The following ADAMTS2 variants were observed in gnomAD, a reference collection of about 807,000 sequenced individuals.
The protein encoded by ADAMTS2 is A disintegrin and metalloproteinase with thrombospondin motifs 2.
ADAMTS2 carries 50 observed loss-of-function variants against 123.0 expected under a neutral mutation model. The ratio of observed to expected loss-of-function variants is 0.41; its 90% confidence interval spans 0.32 to 0.51. ADAMTS2 has a LOEUF of 0.51. Among genes scored for constraint, ADAMTS2 ranks in the 20% least tolerant of loss-of-function variants. The pLI is 0.35. For missense variants in ADAMTS2, 1,494 were observed against 1,705.2 expected (o/e 0.88, Z 2.18); for synonymous variants, 678 against 695.4 (o/e 0.98, Z 0.39).
intron 5 of ADAMTS2, among the ~76,000 whole-genome samples, chr5:179,173,590 A>C (rs952940795): frequency 2.0e-5 from 3 of 152,216 alleles, no homozygotes; most frequent in Admixed American, 2.0e-4. Context: ...TGTTGTTCAC[A>C]TGAGAGATAA....
At chr5:179,141,783 G>A (rs565185324) in intron 10 of ADAMTS2, among the ~76,000 whole-genome samples, 8 of 152,278 alleles carry the variant, frequency 5.3e-5, no homozygotes, top group African/African-American at 1.9e-4. Flanking sequence ...CTCTGTTGCA[G>A]AGTCTCTCTC....
intron 11 of ADAMTS2, among the ~76,000 whole-genome samples, chr5:179,138,904 C>T (rs1294219362): frequency 6.6e-6 from 1 of 152,218 alleles, no homozygotes; most frequent in Non-Finnish European, 1.5e-5. Context: ...GGGACGCACC[C>T]GGAGCCCTGC....
At chr5:179,326,452 G>A (rs1407937765) in intron 2 of ADAMTS2, among the ~76,000 whole-genome samples, 1 of 151,804 alleles carries the variant, frequency 6.6e-6, no homozygotes, top group Non-Finnish European at 1.5e-5. Flanking sequence ...GGGGCAGGGA[G>A]AGCATCCTAC....
chr5:179,321,851 C>A (rs1757190209), intron 2 of ADAMTS2, among the ~76,000 whole-genome samples: 1 of 152,168 alleles, frequency 6.6e-6, no homozygotes, highest in Admixed American at 6.5e-5. Context: ...TCCTCAGCCT[C>A]TCCCTCAGCC....
chr5:179,257,817 A>C (rs989800453), intron 3 of ADAMTS2, among the ~76,000 whole-genome samples: 4 of 152,120 alleles, frequency 2.6e-5, no homozygotes, highest in African/African-American at 4.8e-5. Context: ...CCTGACCCCC[A>C]TCCCGGCCAC....
chr5:179,289,168 C>T (rs990918197), intron 2 of ADAMTS2, among the ~76,000 whole-genome samples: 8 of 152,160 alleles, frequency 5.3e-5, no homozygotes, highest in Non-Finnish European at 1.5e-5. Flanking sequence ...CGGCCTGTCC[C>T]ACCGCCCCGT....
At chr5:179,203,151 C>A (rs557989382) in intron 4 of ADAMTS2, among the ~76,000 whole-genome samples, 2 of 152,216 alleles carry the variant, frequency 1.3e-5, no homozygotes, top group South Asian at 4.1e-4. Context: ...GCCACCACCT[C>A]ACCTCCTCCT....
chr5:179,284,068 C>T (rs1444220530), intron 2 of ADAMTS2, among the ~76,000 whole-genome samples: 3 of 151,372 alleles, frequency 2.0e-5, no homozygotes, highest in Non-Finnish European at 4.4e-5. Context: ...CAGTGGCTCA[C>T]GTCCATAATC....
intron 3 of ADAMTS2, among the ~76,000 whole-genome samples, chr5:179,207,917 C>A (rs1477882289): frequency 6.6e-6 from 1 of 152,168 alleles, no homozygotes; most frequent in Non-Finnish European, 1.5e-5. Context: ...AGGGCCCAGA[C>A]AGGCACCTCT....
At chr5:179,142,083 G>A (rs1763181364) in intron 10 of ADAMTS2, among the ~76,000 whole-genome samples, 1 of 152,150 alleles carries the variant, frequency 6.6e-6, no homozygotes, top group African/African-American at 2.4e-5. Context: ...CTGCCCAGAG[G>A]GAGAGTCAGA....
intron 3 of ADAMTS2, among the ~76,000 whole-genome samples, chr5:179,249,101 C>T (rs1237089468): frequency 6.6e-6 from 1 of 151,936 alleles, no homozygotes; most frequent in African/African-American, 2.4e-5. Context: ...TAAAAATTCA[C>T]AAATATGTAG....
Position 179,308,220 on chromosome 5 carries a change from G to C in ADAMTS2, c.535-35156C>G, listed in dbSNP as rs758416226. ...AGTTAGTAAAGCATTCAGGCTGCTC[G>C]GTGGAGGTGGGAAGACAGGCGCTGA... On this transcript the variant is annotated intron_variant, in intron 2 of 21. Coordinates refer to ENST00000251582, the MANE Select transcript of ADAMTS2 (RefSeq NM_014244.5). The surrounding 1 kb of genome is among the most constrained non-coding windows in gnomAD (Gnocchi z 6.6). Among the ~76,000 whole-genome samples, 11 of 152,214 alleles carry C rather than the reference G, an allele frequency of 7.2e-5. No individual in the cohort carries two copies. The highest frequency in any genetic ancestry group is 1.3e-4 in the Non-Finnish European group (9 of 68,036).
At chr5:179,280,392 G>A (rs1167250239) in intron 2 of ADAMTS2, among the ~76,000 whole-genome samples, 1 of 152,148 alleles carries the variant, frequency 6.6e-6, no homozygotes, top group East Asian at 1.9e-4. Context: ...CCCCCTTGCA[G>A]GCCCCCAGTT....
intron 2 of ADAMTS2, among the ~76,000 whole-genome samples, chr5:179,340,302 G>T (rs1002825166): frequency 2.6e-5 from 4 of 152,156 alleles, no homozygotes; most frequent in Non-Finnish European, 4.4e-5. Context: ...GGCGGGCAGG[G>T]TTGCTTCCAT....
In ADAMTS2 at chr5:179,260,555, C is replaced by T. The variant is rs574579054; in HGVS notation, c.688+12356G>A. Reference sequence around the variant, plus strand: ...GGGTTTTGCCAGCCCAGGCTCTGAGCGGGGACAGGAGGGCACTGCACTGGG... The same window carrying T: ...GGGTTTTGCCAGCCCAGGCTCTGAGTGGGGACAGGAGGGCACTGCACTGGG... On this transcript the variant is annotated intron_variant, in intron 3 of 21. Transcript: ENST00000251582. This position sits in a 1 kb window ranked among gnomAD's most constrained non-coding sequence, Gnocchi z 4.2. 9.2e-5 allele frequency among the ~76,000 whole-genome samples: 14 copies of T among 152,202 alleles called. No individual in the cohort carries two copies. In the South Asian group the frequency reaches 1.5e-3, roughly 16 times the overall value.
intron 3 of ADAMTS2, among the ~76,000 whole-genome samples, chr5:179,226,528 T>C (rs986524302): frequency 5.9e-5 from 9 of 151,950 alleles, no homozygotes; most frequent in Non-Finnish European, 8.8e-5. Flanking sequence ...CCATCCACCC[T>C]GGCCTCCCAC....
chr5:179,183,839 G>A (rs2113318525), intron 4 of ADAMTS2, among the ~76,000 whole-genome samples: 1 of 152,340 alleles, frequency 6.6e-6, no homozygotes, highest in Non-Finnish European at 1.5e-5. Flanking sequence ...ATTAGGGGTA[G>A]ATGAGTTCAT....
At chr5:179,151,369 C>A (rs536068580) in intron 10 of ADAMTS2, among the ~76,000 whole-genome samples, 17 of 152,292 alleles carry the variant, frequency 1.1e-4, no homozygotes, top group African/African-American at 4.1e-4. Flanking sequence ...AGGCAGCTGG[C>A]CCAGTCCCGA....
At position 179,307,713 on chromosome 5, in the gene ADAMTS2, A is replaced by T. The variant is rs1756719019; in HGVS notation, c.535-34649T>A. On this transcript the variant is annotated intron_variant, in intron 2 of 21. Coordinates refer to ENST00000251582, the MANE Select transcript of ADAMTS2 (RefSeq NM_014244.5). This position sits in a 1 kb window ranked among gnomAD's most constrained non-coding sequence, Gnocchi z 5.6. ...TCCTCTGTGTCCTTGGCACACTTCAACTCAGCACCTGCCTCAGGGCCTTTG... is the reference window on the plus strand; with the variant it reads ...TCCTCTGTGTCCTTGGCACACTTCATCTCAGCACCTGCCTCAGGGCCTTTG... Among the ~76,000 whole-genome samples, 1 of 151,866 alleles carries T rather than the reference A, an allele frequency of 6.6e-6. No homozygotes were observed. The highest frequency in any genetic ancestry group is 2.4e-5 in the African/African-American group (1 of 41,332).
Sources: gnomAD v4.1 joint callset for allele counts (sites outside exome capture counted in the v4.1 genomes callset) on GRCh38, gnomAD v4.1.1 for gene constraint, Gnocchi (gnomAD v3.1) non-coding constraint, MANE v1.5 for transcripts, NCBI Gene and HGNC (gene_info 2026-07-23, HGNC 2026-07-21) for gene names.